IL17RA: variants seen among roughly 807,000 people sequenced by gnomAD.
The protein encoded by IL17RA is interleukin 17 receptor A, also known as interleukin-17 receptor A.
In IL17RA, 34 loss-of-function variants were observed where a neutral mutation model predicts 50.4. The observed-to-expected ratio is 0.67, with a 90% CI of 0.51 to 0.90. IL17RA has a LOEUF of 0.90. IL17RA is among the 40% of genes least tolerant of loss of function. The probability of loss-of-function intolerance (pLI) is 0.00; values close to 1 mark genes in which losing one functional copy is unlikely to be tolerated. For synonymous variants in IL17RA, 585 were observed against 510.4 expected (o/e 1.15, Z -1.97); for missense variants, 1,276 against 1,169.8 (o/e 1.09, Z -1.32).
At chr22:17,102,480 G>T (rs2061395419) in intron 7 of IL17RA, among the ~76,000 whole-genome samples, 178 bp downstream of exon 7, 1 of 152,040 alleles carries the variant, frequency 6.6e-6, no homozygotes, top group Non-Finnish European at 1.5e-5. Flanking sequence ...TCTTATGCTT[G>T]ATAGAAAGGC....
At chr22:17,108,027 C>A (rs566871794) in intron 12 of IL17RA, among the ~76,000 whole-genome samples, 2 of 152,214 alleles carry the variant, frequency 1.3e-5, no homozygotes, top group African/African-American at 4.8e-5. Context: ...ACCAACAGAG[C>A]TTGGTGCCTC....
chr22:17,114,290 C>T lies in IL17RA; in HGVS notation c.*4470C>T, dbSNP rs1480944744. The T allele has an allele frequency of 6.6e-6, 1 of 152,404 alleles. No homozygotes were observed. Among genetic ancestry groups the T allele is most frequent in the African/African-American group, 2.4e-5 (1 of 41,464 alleles). The allele number at this position is 152,404 out of a possible 1,614,324, so 9.4% of individuals were successfully genotyped here. ...TGCCCTCCACCTCTGCATGGCTCTC[C>T]ATGCCCCATCGCCTCTCCCAGATCC... On this transcript the variant is annotated 3_prime_UTR_variant, in exon 13 of 13. Coordinates refer to ENST00000319363, the MANE Select transcript of IL17RA (RefSeq NM_014339.7).
rs773451956 is a variant in IL17RA, at chr22:17,109,011, G to T, written c.1792G>T (p.Ala598Ser). The T allele has an allele frequency of 1.9e-6, 3 of 1,599,802 alleles. No homozygotes were observed. Among genetic ancestry groups the T allele is most frequent in the Non-Finnish European group, 2.5e-6 (3 of 1,179,046 alleles). ...CCTCTACTCAGCAGATGACCAGGAT[G>T]CCCCGTCCCTGGACGAAGAGGTGTT... ...ENLYSADDQD[A>S]PSLDEEVFEE... Residue 598 changes from alanine (A) to serine (S), a missense_variant, in exon 13 of 13, where the codon GCC becomes TCC. Coordinates refer to ENST00000319363, the MANE Select transcript of IL17RA (RefSeq NM_014339.7).
At chr22:17,104,937 C>A in intron 9 of IL17RA, 127 bp downstream of exon 9, 1 of 858,668 alleles carries the variant, frequency 1.2e-6, no homozygotes, top group Admixed American at 2.0e-5. Flanking sequence ...AACTTGGAGT[C>A]CTTCAGGCCT....
chr22:17,097,754 C>T (rs763357000), intron 2 of IL17RA, 43 bp from the exon 3 acceptor site: 9 of 1,612,902 alleles, frequency 5.6e-6, no homozygotes, highest in Non-Finnish European at 7.6e-6. Flanking sequence ...ATCTCAGGGT[C>T]TCGGCTATAA....
Position 17,094,673 on chromosome 22 carries a change from C to CTATATATATATA in IL17RA, c.139-2388_139-2387insATATATATATAT, listed in dbSNP as rs1568917416. Among the ~76,000 whole-genome samples the CTATATATATATA allele has an allele frequency of 7.1e-3, 340 of 47,826 alleles. 23 individuals carry two copies. The highest frequency in any genetic ancestry group is 0.011 in the Non-Finnish European group (262 of 24,710). 31.4% of individuals were successfully genotyped at this position (47,826 alleles called of 152,430 possible). ...ATACACACACTCTCTCTCTCTCTCT[C>CTATATATATATA]TCTCTCTCTCTCTCTCTCTATATAT... On this transcript the variant is annotated intron_variant, in intron 1 of 12. Coordinates refer to ENST00000319363, the MANE Select transcript of IL17RA (RefSeq NM_014339.7).
Position 17,114,747 on chromosome 22 carries a change from G to A in IL17RA, c.*4927G>A, listed in dbSNP as rs2061460075. The A allele has an allele frequency of 6.6e-6, 1 of 152,218 alleles. No individual in the cohort carries two copies. Among genetic ancestry groups the A allele is most frequent in the Non-Finnish European group, 1.5e-5 (1 of 68,060 alleles). 9.4% of individuals were successfully genotyped at this position (152,218 alleles called of 1,614,324 possible). ...TTTGCTAGAATGGCTGAGCTTTCAT[G>A]GAAAGGAAGCTGGACCCAAGCAACA... On this transcript the variant is annotated 3_prime_UTR_variant, in exon 13 of 13. Transcript: ENST00000319363.
At chr22:17,097,197 C>G in intron 2 of IL17RA, 111 bp downstream of exon 2, 1 of 1,020,362 alleles carries the variant, frequency 9.8e-7, no homozygotes, top group Non-Finnish European at 1.6e-6. Flanking sequence ...AGGCTGTGAG[C>G]TACAGCCATC....
chr22:17,109,303 C>A lies in IL17RA; in HGVS notation c.2084C>A (p.Ala695Glu). The A allele has an allele frequency of 6.5e-7, 1 of 1,537,530 alleles. No individual in the cohort carries two copies. The highest frequency in any genetic ancestry group is 8.7e-7 in the Non-Finnish European group (1 of 1,146,090). The change falls in exon 13 of 13, where the codon GCA (alanine) becomes GAA (glutamate). Residue 695 changes from alanine to glutamate, a missense_variant. By Grantham distance (107) the Ala-to-Glu change is moderately radical. Transcript: ENST00000319363. ...PLADGAAVRL[A>E]LAGEGEACPL... ...GCTGACGGTGCCGCAGTCCGGCTGG[C>A]ACTGGCGGGGGAGGGCGAGGCCTGC...
chr22:17,103,975 C>T (rs1601345854), intron 8 of IL17RA, among the ~76,000 whole-genome samples: 1 of 6,982 alleles, frequency 1.4e-4, no homozygotes. Flanking sequence ...GAGTGGGGAG[C>T]GTGCACAGGT....
In IL17RA at chr22:17,102,121, C is replaced by T. The variant is rs760725110; in HGVS notation, c.599-18C>T. 6 of 1,614,156 alleles carry T rather than the reference C, an allele frequency of 3.7e-6. No individual in the cohort carries two copies. Among genetic ancestry groups the T allele is most frequent in the South Asian group, 1.1e-5 (1 of 91,084 alleles). ...CGTGCCCCTCCTCACTCCCAGCCTGCGTGTGTGACCTTGGCAGGCAGCCTG... is the reference window on the plus strand; with the variant it reads ...CGTGCCCCTCCTCACTCCCAGCCTGTGTGTGTGACCTTGGCAGGCAGCCTG... On this transcript the variant is annotated intron_variant, in intron 6 of 12. Transcript: ENST00000319363.
rs760515134 is a variant in IL17RA, at chr22:17,104,736, T to C, written c.857T>C (p.Phe286Ser). The C allele has an allele frequency of 1.9e-6, 3 of 1,613,962 alleles. No homozygotes were observed. The highest frequency in any genetic ancestry group is 2.5e-6 in the Non-Finnish European group (3 of 1,179,950). ...CCTCTCTGCCCGCAGATCCAGCCCT[T>C]CTTCAGCAGCTGCCTCAATGACTGC... ...CCRHQVQIQPFFSSCLNDCLR... is the reference protein window; with the variant it reads ...CCRHQVQIQPSFSSCLNDCLR... Residue 286 changes from phenylalanine to serine, a missense_variant, in exon 9 of 13, where the codon TTC (phenylalanine) becomes TCC (serine). Coordinates refer to ENST00000319363, the MANE Select transcript of IL17RA (RefSeq NM_014339.7).
intron 1 of IL17RA, among the ~76,000 whole-genome samples, chr22:17,087,965 C>G (rs1045546743): frequency 6.6e-5 from 10 of 152,206 alleles, no homozygotes; most frequent in African/African-American, 2.4e-4. Context: ...TTGCCAGAAG[C>G]CACTTTCATC....
At chr22:17,106,894 C>T (rs1188721108) in intron 11 of IL17RA, among the ~76,000 whole-genome samples, 3 of 152,126 alleles carry the variant, frequency 2.0e-5, no homozygotes, top group Admixed American at 6.5e-5. Context: ...TCTGCTGTTG[C>T]GCTTCTGTTT....
intron 5 of IL17RA, among the ~76,000 whole-genome samples, chr22:17,101,086 C>G (rs956176810): frequency 6.6e-6 from 1 of 152,170 alleles, no homozygotes; most frequent in Non-Finnish European, 1.5e-5. Flanking sequence ...TAGGGTCTTG[C>G]TTTGTCACCC....
At chr22:17,096,094 G>A (rs566462041) in intron 1 of IL17RA, among the ~76,000 whole-genome samples, 3 of 152,240 alleles carry the variant, frequency 2.0e-5, no homozygotes, top group East Asian at 1.9e-4. Flanking sequence ...CCCGGGATGC[G>A]TTTGGTCTGT....
intron 5 of IL17RA, among the ~76,000 whole-genome samples, chr22:17,101,287 A>G (rs868560670): frequency 1.2e-4 from 18 of 152,154 alleles, no homozygotes; most frequent in Admixed American, 3.3e-4. Context: ...TGCCTTGCAT[A>G]TAGTAGGTTG....
chr22:17,094,463 T>C (rs191036838), intron 1 of IL17RA, among the ~76,000 whole-genome samples: 4 of 151,658 alleles, frequency 2.6e-5, no homozygotes, highest in Admixed American at 2.6e-4. Flanking sequence ...TATGTGTATA[T>C]GGTCAATGCG....
rs777862276 is a variant in IL17RA, at chr22:17,108,961, G to C, written c.1742G>C (p.Cys581Ser). ...LDRFRDWQVR[C>S]PDWFECENLY... ...AGGTTCCGGGACTGGCAGGTCCGCT[G>C]TCCCGACTGGTTCGAATGTGAGAAC... The change falls in exon 13 of 13, where the codon TGT (cysteine) becomes TCT (serine). Residue 581 changes from cysteine (C) to serine (S), a missense_variant. Cys to Ser is a moderately radical substitution (Grantham distance 112, BLOSUM62 -1). Transcript: ENST00000319363. 1.2e-6 allele frequency: 2 copies of C among 1,606,782 alleles called. No individual in the cohort carries two copies. The highest frequency in any genetic ancestry group is 8.5e-7 in the Non-Finnish European group (1 of 1,178,794).
Sources: allele counts gnomAD v4.1 joint callset (sites outside exome capture counted in the v4.1 genomes callset), GRCh38; gene constraint gnomAD v4.1.1; transcripts MANE v1.5; gene names NCBI Gene and HGNC (gene_info 2026-07-23, HGNC 2026-07-21).